Variants in TUBGCP5 observed in about 807,000 individuals in gnomAD.
The protein encoded by TUBGCP5 is tubulin gamma complex component 5, also known as gamma-tubulin complex component 5.
In TUBGCP5, 98 loss-of-function variants were observed where a neutral mutation model predicts 134.7. That is an observed-to-expected ratio of 0.73 (90% CI 0.62 to 0.86). TUBGCP5 has a LOEUF of 0.86. Ranked by LOEUF, TUBGCP5 falls within the 40% of genes least tolerant of loss-of-function variation. TUBGCP5 has a pLI of 0.00. For synonymous variants in TUBGCP5, 456 were observed against 431.4 expected (o/e 1.06, Z -0.71); for missense variants, 1,150 against 1,244.8 (o/e 0.92, Z 1.15).
intron 12 of TUBGCP5, 141 bp downstream of exon 12, chr15:23,019,078 C>T (rs1291235653): frequency 5.5e-6 from 3 of 542,212 alleles, no homozygotes; most frequent in Non-Finnish European, 9.6e-6. Context: ...TGAGATAGAA[C>T]TTGCCTATGA....
At chr15:23,009,793 T>C (rs2064930777) in intron 15 of TUBGCP5, 152 bp downstream of exon 15, 4 of 523,086 alleles carry the variant, frequency 7.6e-6, no homozygotes, top group African/African-American at 1.9e-5. Context: ...GTTAAGAAAA[T>C]ATTGATGGTC....
chr15:22,986,737 C>CA (rs35935898), intron 23 of TUBGCP5, among the ~76,000 whole-genome samples: 28,170 of 126,342 alleles, frequency 0.22, 2,678 homozygotes, highest in East Asian at 0.23. Flanking sequence ...GACTCTGTCT[C>CA]AAAAAAAAAA....
intron 23 of TUBGCP5, among the ~76,000 whole-genome samples, chr15:22,993,525 GTTTTT>G (rs71414252): frequency 6.4e-4 from 44 of 69,258 alleles, no homozygotes; most frequent in African/African-American, 2.1e-3. Flanking sequence ...AGCCCCCGAA[GTTTTT>G]TTTTTTTTTT....
chr15:23,001,804 ATCAGAGCACCACAG>A (rs1241928335), intron 21 of TUBGCP5, among the ~76,000 whole-genome samples: 1 of 152,124 alleles, frequency 6.6e-6, no homozygotes, highest in Non-Finnish European at 1.5e-5. Flanking sequence ...AACAGGAGAC[ATCAGAGCACCACAG>A]TCATGAATAT....
rs371624551 is a variant in TUBGCP5, at chr15:23,008,686, G to A, written c.2327+13C>T. On this transcript the variant is annotated intron_variant, in intron 16 of 22. Coordinates refer to ENST00000615383, the MANE Select transcript of TUBGCP5 (RefSeq NM_052903.6). ...TTACACTAATTTAAATAAAGGTGGC[G>A]TCCATATTTTACCGTGAACTATCTT... is the stretch of plus-strand genomic sequence containing the variant. 3.3e-5 allele frequency: 53 copies of A among 1,604,438 alleles called. 1 individual carries two copies. The East Asian group carries it at 3.6e-4, about 11-fold the overall frequency.
In TUBGCP5 at chr15:23,011,204, C is replaced by T. The variant is rs763805147; in HGVS notation, c.1884G>A (p.Met628Ile). 3 of 1,613,930 alleles carry T rather than the reference C, an allele frequency of 1.9e-6. No homozygotes were observed. The South Asian group carries it at 3.3e-5, about 18-fold the overall frequency. ...CAAGATGGCTTTCAGCAATGGACTG[C>T]ATCTTCATCAGGTTCTCCTTGGTTG... Reference protein sequence around the residue: ...QQATKENLMKMQSIAESHLEL... With the variant: ...QQATKENLMKIQSIAESHLEL... Residue 628 changes from methionine to isoleucine, a missense_variant, in exon 14 of 23, where the codon ATG (methionine) becomes ATA (isoleucine). Met to Ile is a conservative substitution (Grantham distance 10). This residue lies in a region of TUBGCP5 where 697 missense variants were observed against 850.1 expected (regional missense o/e 0.82). Coordinates refer to ENST00000615383, the MANE Select transcript of TUBGCP5 (RefSeq NM_052903.6).
chr15:23,039,500 T>C lies in TUBGCP5; in HGVS notation c.44A>G (p.Gln15Arg). The change falls in exon 1 of 23, where the codon CAG (glutamine) becomes CGG (arginine). Residue 15 changes from glutamine (Q) to arginine (R), a missense_variant. Physicochemically the swap from Gln to Arg is conservative, Grantham distance 43 (BLOSUM62 1). Around this residue, in one of 2 missense-constraint regions of TUBGCP5, gnomAD observed 453 missense variants for 394.7 expected, o/e 1.15. Transcript: ENST00000615383. ...GACGAGCTCCCGCACGTCGCGCTCC[T>C]GCTGCGCGTCCAACCGACTCCACGG... is the stretch of plus-strand genomic sequence containing the variant. The part of the protein sequence containing the change: ...GPPWSRLDAQ[Q>R]ERDVRELVRG... 2 of 1,512,402 alleles carry C rather than the reference T, an allele frequency of 1.3e-6. 1 individual carries two copies. The highest frequency in any genetic ancestry group is 1.8e-6 in the Non-Finnish European group (2 of 1,123,520). 93.7% of individuals were successfully genotyped at this position (1,512,402 alleles called of 1,614,324 possible). A position where few individuals can be genotyped will look rare whatever the true frequency, so the allele number is the denominator to read the frequency against.
At chr15:23,002,463 A>AGGAT (rs926908047) in intron 21 of TUBGCP5, among the ~76,000 whole-genome samples, 1 of 152,228 alleles carries the variant, frequency 6.6e-6, no homozygotes, top group Non-Finnish European at 1.5e-5. Context: ...TTAACAGTAG[A>AGGAT]GGATGGCAGT....
chr15:23,008,284 T>A (rs1012332823), intron 16 of TUBGCP5, among the ~76,000 whole-genome samples: 9 of 152,016 alleles, frequency 5.9e-5, no homozygotes, highest in African/African-American at 9.7e-5. Context: ...TCTTTTTTTT[T>A]AAATGGAGTC....
downstream of TUBGCP5, among the ~76,000 whole-genome samples, chr15:22,996,109 C>T (rs995318687): frequency 6.6e-6 from 1 of 152,224 alleles, no homozygotes; most frequent in African/African-American, 2.4e-5. Flanking sequence ...AAAAATTCCT[C>T]TTGGATAAAT....
chr15:22,993,114 T>C (rs776890967), intron 23 of TUBGCP5, among the ~76,000 whole-genome samples: 1 of 152,130 alleles, frequency 6.6e-6, no homozygotes, highest in African/African-American at 2.4e-5. Flanking sequence ...AACTCTTTAT[T>C]TTTGAGATTG....
chr15:23,037,054 A>C (rs181864031), intron 2 of TUBGCP5, 45 bp downstream of exon 2: 64 of 1,599,396 alleles, frequency 4.0e-5, no homozygotes, highest in Non-Finnish European at 1.7e-6. Context: ...GATCTATAAG[A>C]AAATACATAT....
At chr15:23,020,982 G>C (rs1023355777) in intron 11 of TUBGCP5, among the ~76,000 whole-genome samples, 1 of 152,018 alleles carries the variant, frequency 6.6e-6, no homozygotes, top group Non-Finnish European at 1.5e-5. Context: ...GCATCCTCCC[G>C]GGTTCAAGCA....
chr15:22,996,580 G>A (rs1290567519), downstream of TUBGCP5, among the ~76,000 whole-genome samples: 1 of 152,178 alleles, frequency 6.6e-6, no homozygotes. Context: ...CCAACTCCCA[G>A]GTTTAAGCAA....
chr15:23,034,460 G>C (rs185185100), intron 3 of TUBGCP5, among the ~76,000 whole-genome samples: 1 of 152,190 alleles, frequency 6.6e-6, no homozygotes, highest in African/African-American at 2.4e-5. Flanking sequence ...AATATAAGTG[G>C]TGAGATGGAA....
chr15:23,030,771 A>C (rs2066262414), intron 6 of TUBGCP5, 114 bp downstream of exon 6: 1 of 1,291,212 alleles, frequency 7.7e-7, no homozygotes, highest in African/African-American at 1.5e-5. Context: ...TGGTTTTATA[A>C]GGATGGTAGA....
Position 23,005,528 on chromosome 15 carries a change from T to C in TUBGCP5, c.2616A>G (p.Gln872=). 1 of 1,614,208 alleles carries C rather than the reference T, an allele frequency of 6.2e-7. No homozygotes were observed. The highest frequency in any genetic ancestry group is 1.3e-5 in the African/African-American group (1 of 75,054). ...EQDTVAQFGP[Q]KEPVRQQIHR... ...GAATCTGCTGTCTTACTGGTTCTTTTTGTGGTCCGAACTGAGCAACTGTGT... is the reference window on the plus strand; with the variant it reads ...GAATCTGCTGTCTTACTGGTTCTTTCTGTGGTCCGAACTGAGCAACTGTGT... The change falls in exon 19 of 23, where the codon CAA becomes CAG. Residue 872 remains glutamine (Q), a synonymous_variant. Transcript: ENST00000615383.
intron 23 of TUBGCP5, among the ~76,000 whole-genome samples, chr15:22,989,501 C>A (rs2063785648): frequency 1.3e-5 from 2 of 152,216 alleles, no homozygotes; most frequent in Non-Finnish European, 2.9e-5. Flanking sequence ...CCATACATAT[C>A]CCCTTAAATC....
At position 23,035,329 on chromosome 15, in the gene TUBGCP5, T is replaced by TAAAAAAAA. The variant is rs71117460; in HGVS notation, c.309+1560_309+1567dup. Among the ~76,000 whole-genome samples the TAAAAAAAA allele has an allele frequency of 7.4e-4, 99 of 134,578 alleles. 2 individuals are homozygous for TAAAAAAAA. Among genetic ancestry groups the TAAAAAAAA allele is most frequent in the Admixed American group, 1.3e-3 (18 of 13,488 alleles). The allele number at this position is 134,578 out of a possible 152,430, so 88.3% of individuals were successfully genotyped here. Reference sequence around the variant, plus strand: ...TGGGTGACAAAGTGACACTCAGTCTTAAAAAAAAAAAAGAAAAAAAGTGTG... The same window carrying TAAAAAAAA: ...TGGGTGACAAAGTGACACTCAGTCTTAAAAAAAAAAAAAAAAAAAAGAAAAAAAGTGTG... On this transcript the variant is annotated intron_variant, in intron 3 of 22. Transcript: ENST00000615383.
Sources: allele counts gnomAD v4.1 joint callset (sites outside exome capture counted in the v4.1 genomes callset), GRCh38; gene constraint gnomAD v4.1.1; regional missense constraint gnomAD v4.1.1; transcripts MANE v1.5; gene names NCBI Gene and HGNC (gene_info 2026-07-23, HGNC 2026-07-21).